CLVS1: variants seen among roughly 807,000 people sequenced by gnomAD.
CLVS1 encodes the protein clavesin 1.
A neutral mutation model predicts 33.1 loss-of-function variants in CLVS1; 10 were observed. That is an observed-to-expected ratio of 0.30 (90% CI 0.19 to 0.51). CLVS1 has a LOEUF of 0.51. Ranked by LOEUF, CLVS1 falls within the 20% of genes least tolerant of loss-of-function variation. The probability of loss-of-function intolerance (pLI) is 0.97; values close to 1 mark genes in which losing one functional copy is unlikely to be tolerated. For synonymous variants in CLVS1, 163 were observed against 166.1 expected (o/e 0.98, Z 0.14); for missense variants, 343 against 433.4 (o/e 0.79, Z 1.85).
chr8:61,489,403 C>T (rs7826834), intron 5 of CLVS1, among the ~76,000 whole-genome samples: 4,692 of 152,254 alleles, frequency 0.031, 121 homozygotes, highest in African/African-American at 0.069. Flanking sequence ...GTTCTAGTTC[C>T]ACAACTTACT....
chr8:61,388,326 T>G (rs1482729959), intron 3 of CLVS1, among the ~76,000 whole-genome samples: 1 of 150,110 alleles, frequency 6.7e-6, no homozygotes, highest in Non-Finnish European at 1.5e-5. Flanking sequence ...TCATTTTTTT[T>G]TGGTTGATTC....
chr8:61,479,762 G>A (rs184433543), intron 5 of CLVS1, among the ~76,000 whole-genome samples: 13 of 152,242 alleles, frequency 8.5e-5, no homozygotes, highest in African/African-American at 2.9e-4. Flanking sequence ...TAGGTTTTTG[G>A]TGTGGATGTC....
intron 5 of CLVS1, among the ~76,000 whole-genome samples, chr8:61,477,912 T>G (rs1386505983): frequency 6.6e-6 from 1 of 152,238 alleles, no homozygotes; most frequent in African/African-American, 2.4e-5. Flanking sequence ...TTTAGATCTT[T>G]TCTGCTTTCT....
intron 1 of CLVS1, among the ~76,000 whole-genome samples, chr8:61,120,802 T>A (rs1256881993): frequency 4.1e-5 from 6 of 147,740 alleles, no homozygotes; most frequent in Non-Finnish European, 8.9e-5. Flanking sequence ...CATTTAAGTC[T>A]GCAGAGGTTA....
At chr8:61,180,850 G>A (rs1585667844) in intron 2 of CLVS1, among the ~76,000 whole-genome samples, 1 of 152,094 alleles carries the variant, frequency 6.6e-6, no homozygotes, top group South Asian at 2.1e-4. Context: ...AAAATAATAA[G>A]AGCTGTTTAT....
At chr8:61,487,956 C>T (rs896716139) in intron 5 of CLVS1, among the ~76,000 whole-genome samples, 4 of 152,198 alleles carry the variant, frequency 2.6e-5, no homozygotes, top group African/African-American at 9.7e-5. Context: ...AGTAACTGCA[C>T]TGAGCATGTG....
intron 1 of CLVS1, among the ~76,000 whole-genome samples, chr8:61,098,002 A>AAAAAAATTTT (rs1805383251): frequency 1.3e-5 from 2 of 151,888 alleles, no homozygotes; most frequent in African/African-American, 4.8e-5. Context: ...AAAAAAATTT[A>AAAAAAATTTT]AAAAAAATTA....
the CLVS1 span, among the ~76,000 whole-genome samples, chr8:60,970,744 A>T: frequency 6.6e-6 from 1 of 152,148 alleles, no homozygotes; most frequent in South Asian, 2.1e-4. Flanking sequence ...AACTTTCATG[A>T]TGATGTGACT....
chr8:61,306,489 C>T (rs1344156249), intron 2 of CLVS1, among the ~76,000 whole-genome samples: 1 of 152,168 alleles, frequency 6.6e-6, no homozygotes, highest in East Asian at 1.9e-4. Context: ...TGTAGGTTGT[C>T]TGTTTACTCT....
At chr8:60,967,833 C>T in the CLVS1 span, 4 of 357,760 alleles carry the variant, frequency 1.1e-5, no homozygotes, top group Non-Finnish European at 2.2e-5. Flanking sequence ...GCTCTATCCA[C>T]GGACCAATGA....
At chr8:61,113,093 CT>C (rs1805659004) in intron 1 of CLVS1, among the ~76,000 whole-genome samples, 1 of 152,098 alleles carries the variant, frequency 6.6e-6, no homozygotes, top group South Asian at 2.1e-4. Context: ...CAGAGGCAGC[CT>C]GAGGGTCCCT....
intron 2 of CLVS1, among the ~76,000 whole-genome samples, chr8:61,306,517 C>T (rs557403723): frequency 6.6e-6 from 1 of 152,186 alleles, no homozygotes; most frequent in Non-Finnish European, 1.5e-5. Context: ...GTTTCTTTTG[C>T]TGTATACCAC....
Position 61,102,362 on chromosome 8 carries a change from A to G in CLVS1, c.-242-29408A>G, listed in dbSNP as rs188896326. On this transcript the variant is annotated intron_variant, in intron 1 of 2. Transcript: ENST00000522621. Reference sequence around the variant, plus strand: ...TAAGTATTTTATTATTGTTTATGCAATTGTAAAAAAAATTGTTTTCTTAAT... The same window carrying G: ...TAAGTATTTTATTATTGTTTATGCAGTTGTAAAAAAAATTGTTTTCTTAAT... Among the ~76,000 whole-genome samples, 6 of 152,250 alleles carry G rather than the reference A, an allele frequency of 3.9e-5. No homozygotes were observed. In the East Asian group the frequency reaches 7.7e-4, roughly 20 times the overall value.
the CLVS1 span, among the ~76,000 whole-genome samples, chr8:61,006,347 C>T: frequency 6.6e-6 from 1 of 152,156 alleles, no homozygotes; most frequent in Non-Finnish European, 1.5e-5. Flanking sequence ...TGTAGTTTCT[C>T]CTGGCCTCTC....
intron 2 of CLVS1, among the ~76,000 whole-genome samples, chr8:61,178,565 A>G (rs1393497436): frequency 6.6e-6 from 1 of 152,204 alleles, no homozygotes; most frequent in East Asian, 1.9e-4. Context: ...CACGGTTGAA[A>G]TGAAGGAAAA....
the CLVS1 span, among the ~76,000 whole-genome samples, chr8:61,030,198 C>T: frequency 0.01 from 1,540 of 151,706 alleles, 22 homozygotes; most frequent in African/African-American, 0.035. Context: ...AGGAAGAGGG[C>T]TTTAAAACAT....
At chr8:61,037,582 T>C in the CLVS1 span, among the ~76,000 whole-genome samples, 1 of 152,250 alleles carries the variant, frequency 6.6e-6, no homozygotes, top group East Asian at 1.9e-4. Context: ...TGAATAGTGC[T>C]GCCATGAATG....
chr8:61,400,200 C>T (rs1305826484), intron 3 of CLVS1, among the ~76,000 whole-genome samples: 2 of 152,114 alleles, frequency 1.3e-5, no homozygotes, highest in African/African-American at 2.4e-5. Context: ...TGAGTAAACT[C>T]AGATTTCTTT....
chr8:61,342,531 T>C (rs1272095818), intron 2 of CLVS1, among the ~76,000 whole-genome samples: 2 of 152,210 alleles, frequency 1.3e-5, no homozygotes, highest in East Asian at 3.8e-4. Context: ...GATCTCCCAG[T>C]GGTGAGCTTG....
Sources: allele counts gnomAD v4.1 joint callset (sites outside exome capture counted in the v4.1 genomes callset), GRCh38; gene constraint gnomAD v4.1.1; transcripts MANE v1.5; gene names NCBI Gene and HGNC (gene_info 2026-07-23, HGNC 2026-07-21).